PLD1: variants seen among roughly 807,000 people sequenced by gnomAD.
The protein encoded by PLD1 is phospholipase D1.
Under a neutral mutation model 137.1 loss-of-function variants are expected in PLD1, and 112 were observed. The observed-to-expected ratio is 0.82, with a 90% CI of 0.70 to 0.96. The LOEUF (loss-of-function observed/expected upper bound fraction) is 0.96, where lower values mean the gene tolerates loss of function less well. Ranked by LOEUF, PLD1 falls within the 40% of genes least tolerant of loss-of-function variation. The pLI is 0.00. For missense variants in PLD1, 1,321 were observed against 1,342.0 expected (o/e 0.98, Z 0.24); for synonymous variants, 431 against 454.7 (o/e 0.95, Z 0.66).
chr3:171,661,917 T>C, intron 20 of PLD1, 143 bp downstream of exon 20: 2 of 545,536 alleles, frequency 3.7e-6, no homozygotes, highest in East Asian at 5.7e-5. Flanking sequence ...TCAGGTGATA[T>C]GAACCAGAGC....
chr3:171,787,879 GA>G (rs200236551), intron 1 of PLD1, among the ~76,000 whole-genome samples: 27 of 149,342 alleles, frequency 1.8e-4, no homozygotes, highest in South Asian at 1.1e-3. Flanking sequence ...TATTTTGTAA[GA>G]AAAAAAAAAT....
rs375896449 is a variant in PLD1, at chr3:171,639,566, TA to T, written c.2593+3273del. On this transcript the variant is annotated intron_variant, in intron 23 of 26. Transcript: ENST00000351298. Reference sequence around the variant, plus strand: ...AAATATATATTCATATAATATATATTATATATAATATATATTCATATAATAT... The same window carrying T: ...AAATATATATTCATATAATATATATTTATATAATATATATTCATATAATAT... Among the ~76,000 whole-genome samples, 96 of 67,808 alleles carry T rather than the reference TA, an allele frequency of 1.4e-3. 2 individuals carry two copies. Among genetic ancestry groups the T allele is most frequent in the Middle Eastern group, 0.011 (1 of 90 alleles). The allele number at this position is 67,808 out of a possible 152,430, so 44.5% of individuals were successfully genotyped here.
chr3:171,794,890 A>C (rs867133016), intron 1 of PLD1, among the ~76,000 whole-genome samples: 1 of 152,250 alleles, frequency 6.6e-6, no homozygotes, highest in Admixed American at 6.5e-5. Flanking sequence ...TAAATCAATT[A>C]GCTATATAGA....
chr3:171,687,542 T>A lies in PLD1; in HGVS notation c.1582A>T (p.Lys528Ter). The A allele has an allele frequency of 6.2e-7, 1 of 1,614,176 alleles. No homozygotes were observed. Among genetic ancestry groups the A allele is most frequent in the Non-Finnish European group, 8.5e-7 (1 of 1,180,014 alleles). The change falls in exon 15 of 27, where the codon AAA becomes TAA. Residue 528 changes from lysine to a stop codon, truncating the protein, a stop_gained. Coordinates refer to ENST00000351298, the MANE Select transcript of PLD1 (RefSeq NM_002662.5). LOFTEE classifies it high-confidence loss of function. Reference protein sequence around the residue: ...ESMESLRLKDKNEPVQNLPIQ... With the variant: ...ESMESLRLKD ...GGTAGGTTTTGAACAGGCTCATTTT[T>A]ATCTTTGAGTCTTAAGGATTCCATA... is the stretch of plus-strand genomic sequence containing the variant.
chr3:171,745,548 G>A (rs181607819), intron 1 of PLD1, among the ~76,000 whole-genome samples: 42 of 152,356 alleles, frequency 2.8e-4, no homozygotes, highest in African/African-American at 6.5e-4. Flanking sequence ...AGCACAGCAC[G>A]TGGGCTCCAC....
At chr3:171,703,928 G>A (rs1716453706) in intron 11 of PLD1, among the ~76,000 whole-genome samples, 2 of 152,210 alleles carry the variant, frequency 1.3e-5, no homozygotes, top group African/African-American at 2.4e-5. Context: ...CAATGGAGAT[G>A]TAAATACACC....
chr3:171,766,033 A>G (rs752625223), intron 1 of PLD1, among the ~76,000 whole-genome samples: 23 of 152,350 alleles, frequency 1.5e-4, no homozygotes, highest in Non-Finnish European at 2.9e-4. Flanking sequence ...GGGCAGCAAT[A>G]TAATTGTTCT....
chr3:171,620,869 ATGAGT>A (rs1467325943), intron 23 of PLD1, among the ~76,000 whole-genome samples: 1 of 151,168 alleles, frequency 6.6e-6, no homozygotes, highest in Non-Finnish European at 1.5e-5. Context: ...TAATGATTTG[ATGAGT>A]TAACTACTGA....
chr3:171,738,048 A>T lies in PLD1; in HGVS notation c.4T>A (p.Ser2Thr). 1 of 1,612,508 alleles carries T rather than the reference A, an allele frequency of 6.2e-7. No homozygotes were observed. Among genetic ancestry groups the T allele is most frequent in the Non-Finnish European group, 8.5e-7 (1 of 1,179,256 alleles). ...TTTACCCGTGGCTCGTTTTTCAGTG[A>T]CATGTTAACTTTGGACAGAGTAAAA... M[S>T]LKNEPRVNTS... The change falls in exon 2 of 27, where the codon TCA becomes ACA. Residue 2 changes from serine to threonine, a missense_variant. Coordinates refer to ENST00000351298, the MANE Select transcript of PLD1 (RefSeq NM_002662.5).
At chr3:171,656,108 T>C (rs1005541238) in intron 21 of PLD1, among the ~76,000 whole-genome samples, 1 of 152,138 alleles carries the variant, frequency 6.6e-6, no homozygotes. Flanking sequence ...TAGGAAATGT[T>C]CTATCAGAAA....
chr3:171,776,862 A>G (rs1288204070), intron 1 of PLD1, among the ~76,000 whole-genome samples: 1 of 152,230 alleles, frequency 6.6e-6, no homozygotes, highest in African/African-American at 2.4e-5. Context: ...GGCGCGTGTG[A>G]TAGCACCCTT....
chr3:171,794,286 T>C (rs1723341880), intron 1 of PLD1, among the ~76,000 whole-genome samples: 1 of 152,218 alleles, frequency 6.6e-6, no homozygotes, highest in South Asian at 2.1e-4. Context: ...TCTCTTACTG[T>C]ACCTAATTTA....
chr3:171,781,408 A>G (rs929117451), intron 1 of PLD1, among the ~76,000 whole-genome samples: 1 of 152,258 alleles, frequency 6.6e-6, no homozygotes, highest in East Asian at 1.9e-4. Flanking sequence ...AAGAAAAAAA[A>G]ACAGACTTAG....
Position 171,680,242 on chromosome 3 carries a change from C to CTTTTTT in PLD1, c.1868-2554_1868-2549dup, listed in dbSNP as rs571538714. ...GTCTTTTTGTTTTCTTTTTCTTCCT[C>CTTTTTT]TTTTTTTTTTTTTTTTTTTTTTTTT... On this transcript the variant is annotated intron_variant, in intron 16 of 26. Transcript: ENST00000351298. 5.2e-4 allele frequency among the ~76,000 whole-genome samples: 54 copies of CTTTTTT among 102,904 alleles called. 14 individuals carry two copies. The highest frequency in any genetic ancestry group is 6.1e-4 in the East Asian group (2 of 3,292). The allele number at this position is 102,904 out of a possible 152,430, so 67.5% of individuals were successfully genotyped here. A position where few individuals can be genotyped will look rare whatever the true frequency, so the allele number is the denominator to read the frequency against.
At chr3:171,702,524 T>C (rs765435898) in intron 11 of PLD1, among the ~76,000 whole-genome samples, 1 of 151,248 alleles carries the variant, frequency 6.6e-6, no homozygotes, top group Non-Finnish European at 1.5e-5. Flanking sequence ...GTAATCACTA[T>C]AGGGCCTAGA....
chr3:171,689,847 AAGCAT>A (rs1714974008), intron 13 of PLD1, among the ~76,000 whole-genome samples: 1 of 152,256 alleles, frequency 6.6e-6, no homozygotes, highest in South Asian at 2.1e-4. Flanking sequence ...GTAGTAAAGT[AAGCAT>A]AACATAAAAT....
chr3:171,645,892 A>G (rs1736167960), intron 21 of PLD1, among the ~76,000 whole-genome samples: 2 of 151,322 alleles, frequency 1.3e-5, no homozygotes. Flanking sequence ...TCAAAAAAAA[A>G]AAAAAAAAAA....
chr3:171,722,772 G>A (rs796369811), intron 8 of PLD1, among the ~76,000 whole-genome samples: 12 of 152,004 alleles, frequency 7.9e-5, no homozygotes, highest in African/African-American at 2.4e-4. Flanking sequence ...TTGTGCAACC[G>A]GCACTACCGT....
chr3:171,659,311 A>ATG lies in PLD1; in HGVS notation c.2341-11_2341-10insCA. ...TTATGAAAAACTGGTTCTATGAGAA[A>ATG]TAAACAAGACAATCATGTTAGTCTT... On this transcript the variant is annotated splice_polypyrimidine_tract_variant and intron_variant, in intron 20 of 26. Transcript: ENST00000351298. The ATG allele has an allele frequency of 6.4e-7, 1 of 1,554,564 alleles. No homozygotes were observed. The highest frequency in any genetic ancestry group is 8.9e-7 in the Non-Finnish European group (1 of 1,125,574).
Sources: gnomAD v4.1 joint callset for allele counts (sites outside exome capture counted in the v4.1 genomes callset) on GRCh38, gnomAD v4.1.1 for gene constraint, MANE v1.5 for transcripts, NCBI Gene and HGNC (gene_info 2026-07-23, HGNC 2026-07-21) for gene names.